Variants in GLIS3 observed in about 807,000 individuals in gnomAD.
The protein encoded by GLIS3 is zinc finger protein GLIS3.
Under a neutral mutation model 78.6 loss-of-function variants are expected in GLIS3, and 53 were observed. That is an observed-to-expected ratio of 0.67 (90% CI 0.54 to 0.85). The LOEUF (loss-of-function observed/expected upper bound fraction) is 0.85, where lower values mean the gene tolerates loss of function less well. GLIS3 is among the 40% of genes least tolerant of loss of function. The probability of loss-of-function intolerance (pLI) is 0.00; values close to 1 mark genes in which losing one functional copy is unlikely to be tolerated. For synonymous variants in GLIS3, 684 were observed against 509.9 expected, an observed-to-expected ratio of 1.34 and a Z score of -4.60; for missense variants, 1,703 against 1,231.1, an observed-to-expected ratio of 1.38 and a Z score of -5.74.
intron 8 of GLIS3, among the ~76,000 whole-genome samples, chr9:3,860,433 C>A (rs1421092972): frequency 6.6e-6 from 1 of 152,044 alleles, no homozygotes; most frequent in African/African-American, 2.4e-5. Context: ...TTCTCCATTG[C>A]TTGCTCAGCC....
intron 2 of GLIS3, among the ~76,000 whole-genome samples, chr9:4,324,637 C>G (rs1055931730): frequency 6.6e-6 from 1 of 152,174 alleles, no homozygotes; most frequent in Non-Finnish European, 1.5e-5. Context: ...CAAAAAGAGA[C>G]TGAGGTCAAT....
chr9:4,450,942 T>G, the GLIS3 span, among the ~76,000 whole-genome samples: 1 of 152,160 alleles, frequency 6.6e-6, no homozygotes, highest in Non-Finnish European at 1.5e-5. Flanking sequence ...CTGCATCAAC[T>G]AACGGGTAAA....
intron 7 of GLIS3, among the ~76,000 whole-genome samples, chr9:3,882,729 T>C (rs767876782): frequency 5.9e-5 from 9 of 152,202 alleles, no homozygotes; most frequent in Non-Finnish European, 1.2e-4. Flanking sequence ...GGTCCTCTTT[T>C]ACGGCCCCAT....
chr9:3,859,420 G>T (rs1820023995), intron 8 of GLIS3, among the ~76,000 whole-genome samples: 1 of 149,034 alleles, frequency 6.7e-6, no homozygotes, highest in Non-Finnish European at 1.5e-5. Flanking sequence ...AATATGTTCT[G>T]AATATTCTGT....
At chr9:3,975,264 G>C (rs969186697) in intron 4 of GLIS3, 1 of 152,128 alleles carries the variant, frequency 6.6e-6, no homozygotes, top group South Asian at 2.1e-4. Context: ...AGTTGGAAGA[G>C]TAATGTACAA....
Position 3,879,498 on chromosome 9 carries a change from A to G in GLIS3, c.2226T>C (p.Asn742=). 6.2e-7 allele frequency: 1 copy of G among 1,614,100 alleles called. No individual in the cohort carries two copies. Among genetic ancestry groups the G allele is most frequent in the Non-Finnish European group, 8.5e-7 (1 of 1,180,004 alleles). Residue 742 remains asparagine, a synonymous_variant, in exon 8 of 11, where the codon AAT becomes AAC. Transcript: ENST00000381971. The part of the protein sequence containing the change: ...HPVSHPSPGH[N]VQGSPHNPSS... ...AGGGGTTGTGAGGGCTCCCCTGTAC[A>G]TTATGTCCTGGAGAAGGGTGACTGA...
chr9:4,183,536 T>G (rs1442579909), intron 2 of GLIS3, among the ~76,000 whole-genome samples: 1 of 152,236 alleles, frequency 6.6e-6, no homozygotes, highest in African/African-American at 2.4e-5. Context: ...AATTTTTTTC[T>G]GAGCCCTAGT....
chr9:4,402,542 C>T, the GLIS3 span, among the ~76,000 whole-genome samples: 2 of 152,044 alleles, frequency 1.3e-5, no homozygotes, highest in Non-Finnish European at 2.9e-5. Context: ...ATTCAAAACA[C>T]CTATTTTGAG....
chr9:3,933,063 CCTGAGTTAAGTGAATAAGCTCTTGG>C (rs1480878656), intron 5 of GLIS3: 2 of 218,948 alleles, frequency 9.1e-6, no homozygotes, highest in Non-Finnish European at 1.9e-5. Context: ...TGGTGTTGAG[CCTGAGTTAAGTGAATAAGCTCTTGG>C]CTGAGTGCAA....
At chr9:4,132,334 C>T (rs1833039719) in intron 2 of GLIS3, among the ~76,000 whole-genome samples, 1 of 152,128 alleles carries the variant, frequency 6.6e-6, no homozygotes, top group Admixed American at 6.5e-5. Context: ...AATTTCTGAA[C>T]CTAGAGTTCA....
intron 2 of GLIS3, among the ~76,000 whole-genome samples, chr9:4,194,342 G>A (rs1280296389): frequency 6.6e-6 from 1 of 152,198 alleles, no homozygotes; most frequent in African/African-American, 2.4e-5. Flanking sequence ...TTACAGGCGT[G>A]AGCCACAGCA....
chr9:4,109,586 T>G (rs954251822), intron 4 of GLIS3, among the ~76,000 whole-genome samples: 1 of 152,176 alleles, frequency 6.6e-6, no homozygotes, highest in Non-Finnish European at 1.5e-5. Context: ...GAAGTCAAAG[T>G]TTCATTTCAC....
chr9:4,378,559 T>C, the GLIS3 span, among the ~76,000 whole-genome samples: 1 of 152,184 alleles, frequency 6.6e-6, no homozygotes, highest in African/African-American at 2.4e-5. Context: ...CTGTATTTTC[T>C]CTGGCAACCC....
chr9:4,261,806 T>C (rs913046148), intron 2 of GLIS3, among the ~76,000 whole-genome samples: 10 of 152,158 alleles, frequency 6.6e-5, no homozygotes, highest in Non-Finnish European at 1.5e-4. Context: ...ATAGGTCCTT[T>C]TCACTCTCTT....
chr9:4,152,724 G>A (rs1291275230), intron 2 of GLIS3, among the ~76,000 whole-genome samples: 5 of 151,984 alleles, frequency 3.3e-5, no homozygotes, highest in African/African-American at 4.8e-5. Flanking sequence ...GTGACAAGAC[G>A]CAATGTAAAT....
intron 4 of GLIS3, among the ~76,000 whole-genome samples, chr9:4,102,589 T>A (rs1160732672): frequency 1.3e-5 from 2 of 152,128 alleles, no homozygotes; most frequent in Non-Finnish European, 1.5e-5. Context: ...ACCGACAATA[T>A]CCAACAGAGC....
At chr9:4,312,243 G>T (rs140762498) in intron 2 of GLIS3, among the ~76,000 whole-genome samples, 4 of 152,182 alleles carry the variant, frequency 2.6e-5, no homozygotes, top group Non-Finnish European at 5.9e-5. Context: ...CAAGGCTGGC[G>T]GATCACTTGA....
At chr9:3,985,575 C>G (rs1819676162) in intron 4 of GLIS3, among the ~76,000 whole-genome samples, 1 of 152,328 alleles carries the variant, frequency 6.6e-6, no homozygotes, top group Admixed American at 6.5e-5. Context: ...TTGCTCCTCT[C>G]TAGAATGTCA....
the GLIS3 span, among the ~76,000 whole-genome samples, chr9:4,455,453 A>T: frequency 1.3e-5 from 2 of 152,144 alleles, no homozygotes; most frequent in Non-Finnish European, 2.9e-5. Context: ...TAGTAAAAAG[A>T]GCCTGTACTG....
Sources: allele counts gnomAD v4.1 joint callset (sites outside exome capture counted in the v4.1 genomes callset), GRCh38; gene constraint gnomAD v4.1.1; transcripts MANE v1.5; gene names NCBI Gene and HGNC (gene_info 2026-07-23, HGNC 2026-07-21).